The following CCDC148 variants were observed in gnomAD, a reference collection of about 807,000 sequenced individuals.
CCDC148 encodes the protein coiled-coil domain-containing protein 148.
In CCDC148, 89 loss-of-function variants were observed where a neutral mutation model predicts 85.7. The ratio of observed to expected loss-of-function variants is 1.04; its 90% CI spans 0.87 to 1.24. CCDC148 has a LOEUF of 1.24. CCDC148 is among the 50% of genes most tolerant of loss of function. CCDC148 has a pLI of 0.00. For missense variants in CCDC148, 692 were observed against 671.7 expected, an observed-to-expected ratio of 1.03 and a Z score of -0.33; for synonymous variants, 230 against 213.9, an observed-to-expected ratio of 1.08 and a Z score of -0.66.
intron 1 of CCDC148, among the ~76,000 whole-genome samples, chr2:158,448,544 A>G (rs1239224617): frequency 6.6e-6 from 1 of 151,760 alleles, no homozygotes; most frequent in Admixed American, 6.6e-5. Flanking sequence ...GGGTTTTGCC[A>G]TGTTACCCAG....
chr2:158,253,383 G>A (rs72938117), intron 9 of CCDC148, among the ~76,000 whole-genome samples: 17,824 of 151,556 alleles, frequency 0.12, 1,188 homozygotes, highest in African/African-American at 0.17. Flanking sequence ...AGCTCATGGA[G>A]TGACTCAAAG....
At chr2:158,341,717 C>T (rs532721976) in intron 3 of CCDC148, among the ~76,000 whole-genome samples, 2 of 151,676 alleles carry the variant, frequency 1.3e-5, no homozygotes, top group South Asian at 2.1e-4. Context: ...ATGGCAGATT[C>T]GATTAAATCA....
intron 9 of CCDC148, among the ~76,000 whole-genome samples, chr2:158,301,157 C>T (rs1178241797): frequency 6.6e-6 from 1 of 152,138 alleles, no homozygotes; most frequent in Non-Finnish European, 1.5e-5. Flanking sequence ...CTGTGCCTGG[C>T]CTGAATTGAA....
chr2:158,313,684 G>T, intron 8 of CCDC148, 72 bp downstream of exon 8: 2 of 1,394,252 alleles, frequency 1.4e-6, no homozygotes, highest in Non-Finnish European at 1.9e-6. Context: ...GAAAATACAT[G>T]TACATTGCTT....
chr2:158,338,506 A>C (rs1682502900), intron 7 of CCDC148: 1 of 387,348 alleles, frequency 2.6e-6, no homozygotes, highest in Non-Finnish European at 4.5e-6. Flanking sequence ...AGACATTTTC[A>C]ACATGTCTTA....
chr2:158,242,173 G>A (rs1180272345), intron 10 of CCDC148, among the ~76,000 whole-genome samples: 1 of 152,098 alleles, frequency 6.6e-6, no homozygotes, highest in Non-Finnish European at 1.5e-5. Context: ...GAGTAACCAG[G>A]CAAAGAGAAA....
At chr2:158,392,490 G>A (rs1328718026) in intron 1 of CCDC148, among the ~76,000 whole-genome samples, 5 of 152,060 alleles carry the variant, frequency 3.3e-5, no homozygotes, top group Admixed American at 3.3e-4. Context: ...CACTGGAGGA[G>A]TATTTCAGAT....
chr2:158,328,887 G>T lies in CCDC148; in HGVS notation c.764+9839C>A, dbSNP rs549336982. Among the ~76,000 whole-genome samples the T allele has an allele frequency of 1.9e-4, 29 of 151,090 alleles. No homozygotes were observed. In the Middle Eastern group the frequency reaches 0.01, roughly 54 times the overall value. On this transcript the variant is annotated intron_variant, in intron 7 of 13. Transcript: ENST00000283233. ...TTTGTTTTTTTCTTGTAAATTTGTT[G>T]GAGTTCATTGTAGATTCTGGATATT...
In CCDC148 at chr2:158,359,875, A is replaced by G. The variant is rs1683854173; in HGVS notation, c.26-1305T>C. ...CTGAAACCAGGGAGCCAAGTGATCT[A>G]GCTCTGTGGATCCCACCCATATGGA... On this transcript the variant is annotated intron_variant, in intron 1 of 13. Transcript: ENST00000283233. 2.0e-5 allele frequency among the ~76,000 whole-genome samples: 3 copies of G among 152,280 alleles called. No individual in the cohort carries two copies. In the South Asian group the frequency reaches 6.2e-4, roughly 32 times the overall value.
intron 1 of CCDC148, among the ~76,000 whole-genome samples, chr2:158,400,198 G>A (rs891071165): frequency 3.3e-5 from 5 of 152,024 alleles, no homozygotes; most frequent in African/African-American, 1.2e-4. Context: ...CACAGAATTC[G>A]AATAAACTAC....
chr2:158,293,019 T>C (rs1690966450), intron 9 of CCDC148, among the ~76,000 whole-genome samples: 1 of 152,190 alleles, frequency 6.6e-6, no homozygotes, highest in African/African-American at 2.4e-5. Context: ...TAGGCATTAG[T>C]GATACAAAGC....
chr2:158,225,591 T>C (rs182839333), intron 10 of CCDC148, among the ~76,000 whole-genome samples: 3,577 of 152,202 alleles, frequency 0.024, 123 homozygotes, highest in African/African-American at 0.077. Flanking sequence ...AGAATAGAAA[T>C]TATAACAAAC....
chr2:158,406,401 G>A (rs1685999412), intron 1 of CCDC148, among the ~76,000 whole-genome samples: 2 of 151,976 alleles, frequency 1.3e-5, no homozygotes. Context: ...GTGGGGGGCT[G>A]GGCCTGTATG....
At chr2:158,409,630 C>T (rs1686174365) in intron 1 of CCDC148, among the ~76,000 whole-genome samples, 1 of 152,160 alleles carries the variant, frequency 6.6e-6, no homozygotes, top group African/African-American at 2.4e-5. Context: ...CTTGCCTTGT[C>T]TCAGATAAGA....
At chr2:158,307,799 T>C (rs1020505836) in intron 9 of CCDC148, among the ~76,000 whole-genome samples, 4 of 152,232 alleles carry the variant, frequency 2.6e-5, no homozygotes, top group Non-Finnish European at 5.9e-5. Flanking sequence ...TATATATCAT[T>C]TGATTTATAT....
At chr2:158,341,930 C>G (rs1682721058) in intron 3 of CCDC148, among the ~76,000 whole-genome samples, 1 of 137,180 alleles carries the variant, frequency 7.3e-6, no homozygotes, top group African/African-American at 2.7e-5. Context: ...TTTACTAACA[C>G]TAACTTTTTT....
At chr2:158,282,496 A>T (rs1690374826) in intron 9 of CCDC148, among the ~76,000 whole-genome samples, 1 of 152,218 alleles carries the variant, frequency 6.6e-6, no homozygotes, top group African/African-American at 2.4e-5. Context: ...AGACCAACAG[A>T]GAGCCAAATC....
chr2:158,343,103 T>A (rs1682811431), intron 3 of CCDC148, among the ~76,000 whole-genome samples: 1 of 152,124 alleles, frequency 6.6e-6, no homozygotes, highest in Non-Finnish European at 1.5e-5. Flanking sequence ...TACTGAAGAC[T>A]TGAACGCCTA....
chr2:158,314,946 T>C (rs544838082), intron 7 of CCDC148, among the ~76,000 whole-genome samples: 1 of 152,282 alleles, frequency 6.6e-6, no homozygotes, highest in East Asian at 1.9e-4. Flanking sequence ...TCAGTGACAC[T>C]GATGGGAATT....
Sources: gnomAD v4.1 joint callset for allele counts (sites outside exome capture counted in the v4.1 genomes callset) on GRCh38, gnomAD v4.1.1 for gene constraint, MANE v1.5 for transcripts, NCBI Gene and HGNC (gene_info 2026-07-23, HGNC 2026-07-21) for gene names.